The following USP37 variants were observed in gnomAD, a reference collection of about 807,000 sequenced individuals.
USP37 encodes ubiquitin specific peptidase 37, also known as ubiquitin carboxyl-terminal hydrolase 37.
A neutral mutation model predicts 124.0 loss-of-function variants in USP37; 27 were observed. The ratio of observed to expected loss-of-function variants is 0.22; its 90% CI spans 0.16 to 0.30. The LOEUF is 0.30. USP37 is among the 10% of genes least tolerant of loss of function. USP37 has a pLI of 1.00. For missense variants in USP37, 889 were observed against 1,140.4 expected, an observed-to-expected ratio of 0.78 and a Z score of 3.17; for synonymous variants, 365 against 388.0, an observed-to-expected ratio of 0.94 and a Z score of 0.70.
intron 16 of USP37, among the ~76,000 whole-genome samples, chr2:218,482,577 A>C (rs6750465): frequency 0.052 from 7,983 of 152,296 alleles, 679 homozygotes; most frequent in African/African-American, 0.18. Context: ...CATAGTTTAA[A>C]AAGCAATAGG....
chr2:218,485,746 A>G lies in USP37; in HGVS notation c.1591-3T>C, dbSNP rs781234843. 3.1e-6 allele frequency: 5 copies of G among 1,608,760 alleles called. No individual in the cohort carries two copies. The highest frequency in any genetic ancestry group is 4.2e-6 in the Non-Finnish European group (5 of 1,178,736). On this transcript the variant is annotated splice_polypyrimidine_tract_variant and splice_region_variant and intron_variant, in intron 15 of 25. Transcript: ENST00000258399. ...CAAGAATACTCCAGTTCTTCGGCCT[A>G]TAAAAAGAAGGAAAAATAAAGCATG...
rs150661402 is a variant in USP37 at position 218,473,436 on chromosome 2, T to C, written c.2299+1194A>G. Among the ~76,000 whole-genome samples, 65 of 152,334 alleles carry C rather than the reference T, an allele frequency of 4.3e-4. 1 individual carries two copies. Among genetic ancestry groups the C allele is most frequent in the Non-Finnish European group, 6.9e-4 (47 of 68,024 alleles). On this transcript the variant is annotated intron_variant, in intron 20 of 25. Coordinates refer to ENST00000258399, the MANE Select transcript of USP37 (RefSeq NM_020935.3). ...GTTTTTGCTTCCAGTTAAATGGGGA[T>C]ATACTAATTCTTATTTTACTTGCAT...
chr2:218,505,102 C>A (rs924829079), intron 11 of USP37, among the ~76,000 whole-genome samples: 1 of 151,530 alleles, frequency 6.6e-6, no homozygotes, highest in Non-Finnish European at 1.5e-5. Context: ...GTGGCCTCGA[C>A]CTCCCAGGCT....
At chr2:218,534,470 C>G (rs1055038823) in intron 9 of USP37, 139 bp downstream of exon 9, 1 of 331,840 alleles carries the variant, frequency 3.0e-6, no homozygotes, top group African/African-American at 2.2e-5. Context: ...ACCTGGGCGA[C>G]AGAGCAAGAC....
chr2:218,511,844 TTTTG>T (rs1439176693), intron 10 of USP37, among the ~76,000 whole-genome samples: 5 of 152,090 alleles, frequency 3.3e-5, no homozygotes, highest in African/African-American at 1.2e-4. Context: ...GTATCTTGTA[TTTTG>T]TTTAAGAAAT....
intron 10 of USP37, among the ~76,000 whole-genome samples, chr2:218,513,273 C>T (rs1690098580): frequency 6.6e-6 from 1 of 152,144 alleles, no homozygotes; most frequent in African/African-American, 2.4e-5. Flanking sequence ...TCAAGTGATA[C>T]TCTCATCCTG....
At chr2:218,546,069 C>T in intron 8 of USP37, 152 bp downstream of exon 8, 1 of 614,852 alleles carries the variant, frequency 1.6e-6, no homozygotes, top group Non-Finnish European at 2.8e-6. Flanking sequence ...ATTGAGCCTA[C>T]AGTCTACTGT....
chr2:218,514,486 A>C (rs1381796000), intron 10 of USP37: 1 of 151,992 alleles, frequency 6.6e-6, no homozygotes, highest in African/African-American at 2.4e-5. Flanking sequence ...ATGCATTAGC[A>C]AACAATAACA....
At chr2:218,495,667 A>C in intron 14 of USP37, 93 bp downstream of exon 14, 1 of 1,383,514 alleles carries the variant, frequency 7.2e-7, no homozygotes, top group Non-Finnish European at 9.7e-7. Flanking sequence ...TAAAAACAGA[A>C]AAGAATTCAT....
intron 20 of USP37, among the ~76,000 whole-genome samples, chr2:218,468,412 G>A (rs532993786): frequency 1.0e-3 from 156 of 151,320 alleles, no homozygotes; most frequent in Middle Eastern, 3.4e-3. Context: ...TAGTAGAGGC[G>A]GGGTTTCACC....
intron 4 of USP37, among the ~76,000 whole-genome samples, chr2:218,556,518 T>TTG (rs1553560843): frequency 1.4e-5 from 2 of 137,936 alleles, no homozygotes. Context: ...TTTTTTTTTT[T>TTG]TTTTTTTTTT....
At chr2:218,503,677 T>C (rs560870334) in intron 11 of USP37, among the ~76,000 whole-genome samples, 1 of 152,168 alleles carries the variant, frequency 6.6e-6, no homozygotes, top group South Asian at 2.1e-4. Context: ...ATCGCACCGT[T>C]GCACTCCAGC....
intron 24 of USP37, among the ~76,000 whole-genome samples, chr2:218,456,410 T>C (rs1255164772): frequency 1.4e-5 from 2 of 148,070 alleles, no homozygotes; most frequent in Non-Finnish European, 3.0e-5. Flanking sequence ...AATGAGCTAA[T>C]GATGGTGCCA....
chr2:218,476,723 C>T, intron 19 of USP37, 117 bp downstream of exon 19: 5 of 1,141,978 alleles, frequency 4.4e-6, no homozygotes, highest in Non-Finnish European at 5.8e-6. Flanking sequence ...ATTTCTGTAG[C>T]CAGAGAAGGC....
intron 11 of USP37, among the ~76,000 whole-genome samples, chr2:218,507,969 A>C (rs1203445139): frequency 6.6e-6 from 1 of 152,174 alleles, no homozygotes; most frequent in Admixed American, 6.5e-5. Context: ...GCTTCATCTA[A>C]GTCTTCCACT....
At chr2:218,461,856 A>G (rs752768613) in intron 22 of USP37, among the ~76,000 whole-genome samples, 29 of 151,886 alleles carry the variant, frequency 1.9e-4, no homozygotes, top group Non-Finnish European at 1.3e-4. Flanking sequence ...CTAAAATGAA[A>G]TATAAAAAAT....
chr2:218,549,989 T>TAAAA, intron 5 of USP37, 80 bp from the exon 6 acceptor site: 1 of 1,080,886 alleles, frequency 9.3e-7, no homozygotes, highest in South Asian at 1.9e-5. Context: ...ATTATTTTTA[T>TAAAA]ATAATATTGA....
intron 14 of USP37, among the ~76,000 whole-genome samples, chr2:218,492,764 T>C (rs1020085146): frequency 6.6e-6 from 1 of 152,174 alleles, no homozygotes; most frequent in Non-Finnish European, 1.5e-5. Context: ...CTCCAGCAAT[T>C]TGGGAGGCCA....
At chr2:218,488,495 G>A (rs925370807) in intron 14 of USP37, 74 bp from the exon 15 acceptor site, 2 of 959,146 alleles carry the variant, frequency 2.1e-6, no homozygotes, top group Non-Finnish European at 3.1e-6. Context: ...GAGAAACTCT[G>A]TTCTTCCACA....
Sources: allele counts gnomAD v4.1 joint callset (sites outside exome capture counted in the v4.1 genomes callset), GRCh38; gene constraint gnomAD v4.1.1; transcripts MANE v1.5; gene names NCBI Gene and HGNC (gene_info 2026-07-23, HGNC 2026-07-21).